The following FSTL5 variants were observed in gnomAD, a reference collection of about 807,000 sequenced individuals.
FSTL5 encodes follistatin-related protein 5.
Under a neutral mutation model 89.1 loss-of-function variants are expected in FSTL5, and 62 were observed. The observed-to-expected ratio is 0.70, with a 90% confidence interval of 0.57 to 0.86. FSTL5 has a LOEUF of 0.86. FSTL5 is among the 40% of genes least tolerant of loss of function. FSTL5 has a pLI of 0.00. For synonymous variants in FSTL5, 383 were observed against 346.2 expected, an observed-to-expected ratio of 1.11 and a Z score of -1.18; for missense variants, 1,057 against 1,001.6, an observed-to-expected ratio of 1.06 and a Z score of -0.75.
intron 7 of FSTL5, among the ~76,000 whole-genome samples, chr4:161,592,772 C>A (rs1175763727): frequency 6.6e-6 from 1 of 152,052 alleles, no homozygotes; most frequent in African/African-American, 2.4e-5. Context: ...GATTTATAAT[C>A]CTTTGGGTAT....
chr4:161,994,084 C>T (rs1736218666), intron 3 of FSTL5, among the ~76,000 whole-genome samples: 1 of 152,170 alleles, frequency 6.6e-6, no homozygotes, highest in Non-Finnish European at 1.5e-5. Context: ...GTCTGTTGTT[C>T]CTTTCTTTGT....
At chr4:161,842,873 G>T (rs539628495) in intron 4 of FSTL5, among the ~76,000 whole-genome samples, 1 of 151,992 alleles carries the variant, frequency 6.6e-6, no homozygotes, top group East Asian at 1.9e-4. Context: ...AAGAATTACT[G>T]GTGATCTAAG....
intron 15 of FSTL5, among the ~76,000 whole-genome samples, chr4:161,413,114 A>C (rs1731649599): frequency 6.6e-6 from 1 of 152,046 alleles, no homozygotes. Flanking sequence ...TATCAACAGA[A>C]CAAATAGACA....
Position 161,452,624 on chromosome 4 carries a change from T to TG in FSTL5, c.1841+2379_1841+2380insC, listed in dbSNP as rs1234877189. Among the ~76,000 whole-genome samples, 1,277 of 152,310 alleles carry TG rather than the reference T, an allele frequency of 8.4e-3. 17 individuals are homozygous for TG. Among genetic ancestry groups the TG allele is most frequent in the African/African-American group, 0.03 (1,234 of 41,558 alleles). On this transcript the variant is annotated intron_variant, in intron 15 of 15. Transcript: ENST00000306100. Reference sequence around the variant, plus strand: ...TATTTTTGGAAACGCATGTTAATTTTTACTTCTCGCATTCACGGTAGTAAA... The same window carrying TG: ...TATTTTTGGAAACGCATGTTAATTTTGTACTTCTCGCATTCACGGTAGTAAA...
chr4:161,913,834 C>A (rs941817882), intron 4 of FSTL5, among the ~76,000 whole-genome samples: 2 of 152,146 alleles, frequency 1.3e-5, no homozygotes, highest in Non-Finnish European at 2.9e-5. Flanking sequence ...GCTGTATTTA[C>A]CCCAATACCT....
At chr4:161,436,773 C>T (rs1326706905) in intron 15 of FSTL5, among the ~76,000 whole-genome samples, 1 of 152,168 alleles carries the variant, frequency 6.6e-6, no homozygotes, top group Non-Finnish European at 1.5e-5. Context: ...ACATCTATAT[C>T]ATTCAGAATA....
At chr4:162,120,606 C>T (rs897019436) in intron 1 of FSTL5, among the ~76,000 whole-genome samples, 2 of 151,834 alleles carry the variant, frequency 1.3e-5, no homozygotes, top group Non-Finnish European at 2.9e-5. Flanking sequence ...TTATTCTTTA[C>T]ATAATTGAAA....
intron 10 of FSTL5, among the ~76,000 whole-genome samples, chr4:161,532,004 A>C (rs1023645559): frequency 1.3e-5 from 2 of 152,048 alleles, no homozygotes; most frequent in African/African-American, 2.4e-5. Context: ...GGAGATCTAG[A>C]CCACCCTGGT....
chr4:161,480,863 G>A (rs1729478980), intron 13 of FSTL5, among the ~76,000 whole-genome samples, 157 bp downstream of exon 13: 1 of 152,128 alleles, frequency 6.6e-6, no homozygotes, highest in Non-Finnish European at 1.5e-5. Context: ...TTAAGGAACA[G>A]AATGAGAGAA....
rs1734406282 is a variant in FSTL5 at position 161,935,466 on chromosome 4, A to G, written c.161-14814T>C. Among the ~76,000 whole-genome samples the G allele has an allele frequency of 3.3e-5, 5 of 152,232 alleles. No individual in the cohort carries two copies. In the South Asian group the frequency reaches 1.0e-3, roughly 32 times the overall value. The stretch of plus-strand genomic sequence containing the variant: ...TCTTACTGATTACTGTCCTCATAGA[A>G]CTAAGGAAGTTAGTGTTAATTGAAT... On this transcript the variant is annotated intron_variant, in intron 3 of 15. Transcript: ENST00000306100.
At chr4:161,420,438 C>T (rs1731943172) in intron 15 of FSTL5, among the ~76,000 whole-genome samples, 1 of 152,040 alleles carries the variant, frequency 6.6e-6, no homozygotes, top group Non-Finnish European at 1.5e-5. Flanking sequence ...CTTTAAGTAT[C>T]TTTTGATTTA....
chr4:162,028,447 C>A (rs1056317264), intron 3 of FSTL5, among the ~76,000 whole-genome samples: 37 of 152,048 alleles, frequency 2.4e-4, no homozygotes, highest in South Asian at 6.2e-4. Flanking sequence ...GGTGCTGGCA[C>A]GCATTTGTAA....
chr4:161,848,002 C>T (rs1403013768), intron 4 of FSTL5, among the ~76,000 whole-genome samples: 1 of 130,434 alleles, frequency 7.7e-6, no homozygotes, highest in African/African-American at 2.8e-5. Context: ...CGCCACTGCA[C>T]TCCAGCCTGG....
intron 5 of FSTL5, among the ~76,000 whole-genome samples, chr4:161,761,465 C>T (rs907362520): frequency 2.6e-5 from 4 of 152,146 alleles, no homozygotes; most frequent in Non-Finnish European, 5.9e-5. Context: ...TGATACCAGG[C>T]TTTATTCAGA....
intron 4 of FSTL5, among the ~76,000 whole-genome samples, chr4:161,873,482 T>A (rs1200472338): frequency 6.8e-6 from 1 of 148,140 alleles, no homozygotes; most frequent in African/African-American, 2.5e-5. Context: ...ATTTCCTTAG[T>A]TCCTTCCTTC....
At chr4:161,576,875 T>C (rs919661484) in intron 8 of FSTL5, among the ~76,000 whole-genome samples, 11 of 152,242 alleles carry the variant, frequency 7.2e-5, no homozygotes, top group African/African-American at 2.7e-4. Context: ...TAGGCATCCA[T>C]AGGCTGGCTA....
At chr4:161,463,836 C>T (rs546933328) in intron 13 of FSTL5, among the ~76,000 whole-genome samples, 1 of 152,314 alleles carries the variant, frequency 6.6e-6, no homozygotes, top group South Asian at 2.1e-4. Context: ...CCATACTTCA[C>T]ATCCTCAGGA....
chr4:161,883,781 C>T (rs1447836058), intron 4 of FSTL5, among the ~76,000 whole-genome samples: 1 of 152,130 alleles, frequency 6.6e-6, no homozygotes, highest in East Asian at 1.9e-4. Context: ...GAGATTCTCC[C>T]TTAATTCATC....
intron 1 of FSTL5, among the ~76,000 whole-genome samples, chr4:162,136,322 T>C (rs1732519838): frequency 6.6e-6 from 1 of 151,980 alleles, no homozygotes; most frequent in African/African-American, 2.4e-5. Context: ...ACCCGGTTAT[T>C]AGAGGAAAAG....
Sources: gnomAD v4.1 joint callset for allele counts (sites outside exome capture counted in the v4.1 genomes callset) on GRCh38, gnomAD v4.1.1 for gene constraint, MANE v1.5 for transcripts, NCBI Gene and HGNC (gene_info 2026-07-23, HGNC 2026-07-21) for gene names.